Variants in ERC2 observed in about 807,000 individuals in gnomAD.
The protein encoded by ERC2 is ERC protein 2.
In ERC2, 42 loss-of-function variants were observed where a neutral mutation model predicts 114.8. That is an observed-to-expected ratio of 0.37 (90% confidence interval 0.29 to 0.47). The LOEUF is 0.47. ERC2 is among the 20% of genes least tolerant of loss of function. The pLI is 0.99. For missense variants in ERC2, 939 were observed against 1,150.7 expected (o/e 0.82, Z 2.66); for synonymous variants, 454 against 425.5 (o/e 1.07, Z -0.82).
At chr3:56,001,796 T>C (rs2072085941) in intron 10 of ERC2, among the ~76,000 whole-genome samples, 1 of 152,140 alleles carries the variant, frequency 6.6e-6, no homozygotes, top group African/African-American at 2.4e-5. Flanking sequence ...AAACATGACA[T>C]TCTTTGGTTT....
chr3:55,879,469 C>G (rs1309005697), intron 14 of ERC2, among the ~76,000 whole-genome samples: 1 of 152,162 alleles, frequency 6.6e-6, no homozygotes, highest in East Asian at 1.9e-4. Flanking sequence ...TTGGACTTCT[C>G]TGGACCTAAT....
At chr3:55,831,860 G>C (rs1209233997) in intron 14 of ERC2, among the ~76,000 whole-genome samples, 1 of 152,240 alleles carries the variant, frequency 6.6e-6, no homozygotes, top group African/African-American at 2.4e-5. Flanking sequence ...GTCAAAGAAA[G>C]GGGTGACAGA....
chr3:55,570,135 C>A (rs995354161), intron 17 of ERC2, among the ~76,000 whole-genome samples: 1 of 152,084 alleles, frequency 6.6e-6, no homozygotes, highest in Non-Finnish European at 1.5e-5. Flanking sequence ...GTTGGGATTA[C>A]AGGTTTGAGT....
intron 1 of ERC2, among the ~76,000 whole-genome samples, chr3:56,458,970 G>T (rs922445426): frequency 1.3e-5 from 2 of 152,142 alleles, no homozygotes; most frequent in Non-Finnish European, 2.9e-5. Flanking sequence ...CTCAAGCCAG[G>T]CACAAGAAAG....
chr3:55,662,478 C>T (rs1002494155), intron 17 of ERC2, among the ~76,000 whole-genome samples: 12 of 152,148 alleles, frequency 7.9e-5, no homozygotes, highest in African/African-American at 2.9e-4. Flanking sequence ...ACAGAAGAAG[C>T]TGAATAATAT....
At chr3:56,411,421 C>T (rs1376085339) in intron 2 of ERC2, among the ~76,000 whole-genome samples, 4 of 151,748 alleles carry the variant, frequency 2.6e-5, no homozygotes, top group Admixed American at 6.6e-5. Flanking sequence ...TGTTTCAGCA[C>T]GCCGGAAAGT....
At chr3:56,011,326 C>T (rs2072917559) in intron 8 of ERC2, among the ~76,000 whole-genome samples, 1 of 152,118 alleles carries the variant, frequency 6.6e-6, no homozygotes. Flanking sequence ...CAGCCCTCAT[C>T]ACAAGCGCAA....
At chr3:55,609,379 T>A (rs2058786781) in intron 17 of ERC2, among the ~76,000 whole-genome samples, 1 of 152,106 alleles carries the variant, frequency 6.6e-6, no homozygotes, top group South Asian at 2.1e-4. Flanking sequence ...CATGATCCCA[T>A]CAAAGCCAAT....
intron 17 of ERC2, among the ~76,000 whole-genome samples, chr3:55,553,382 T>G (rs573302464): frequency 1.1e-4 from 16 of 152,158 alleles, no homozygotes; most frequent in Admixed American, 9.8e-4. Flanking sequence ...ACTGGCACTA[T>G]GCTGAACACC....
At chr3:55,744,547 T>C (rs1449817987) in intron 14 of ERC2, among the ~76,000 whole-genome samples, 3 of 152,236 alleles carry the variant, frequency 2.0e-5, no homozygotes, top group Non-Finnish European at 4.4e-5. Context: ...CTTTGTAACT[T>C]CACTTCAGGC....
intron 2 of ERC2, among the ~76,000 whole-genome samples, chr3:56,406,948 C>G (rs1183705185): frequency 2.0e-5 from 3 of 152,150 alleles, no homozygotes; most frequent in Non-Finnish European, 4.4e-5. Context: ...CAATGAGAAT[C>G]AGGCTTTTCT....
At chr3:56,078,558 G>A (rs981373287) in intron 7 of ERC2, among the ~76,000 whole-genome samples, 4 of 152,060 alleles carry the variant, frequency 2.6e-5, no homozygotes, top group African/African-American at 9.7e-5. Flanking sequence ...CCTCTGCACC[G>A]AAACAAATGA....
intron 1 of ERC2, among the ~76,000 whole-genome samples, chr3:56,449,351 G>T (rs1577021750): frequency 6.6e-6 from 1 of 152,204 alleles, no homozygotes; most frequent in Admixed American, 6.5e-5. Context: ...GTGGGCACCT[G>T]CATTGGTCCC....
At chr3:55,535,974 G>A (rs2053975770) in intron 17 of ERC2, among the ~76,000 whole-genome samples, 1 of 152,130 alleles carries the variant, frequency 6.6e-6, no homozygotes, top group African/African-American at 2.4e-5. Context: ...ACTCCAGCCT[G>A]GGCAACGAGA....
intron 17 of ERC2, among the ~76,000 whole-genome samples, chr3:55,537,801 C>A (rs2054097064): frequency 6.6e-6 from 1 of 152,230 alleles, no homozygotes; most frequent in Admixed American, 6.5e-5. Flanking sequence ...ATTTCAACAT[C>A]TTTCCCTTTT....
At position 56,364,652 on chromosome 3, in the gene ERC2, C is replaced by A. The variant is rs199766411; in HGVS notation, c.658-68217G>T. On this transcript the variant is annotated intron_variant, in intron 2 of 17. Coordinates refer to ENST00000288221, the MANE Select transcript of ERC2 (RefSeq NM_015576.3). ...GTTTTCTGAGCTTTCCTACATTTCC[C>A]AAATTTTTATTAGAACTTTGCTTTG... Among the ~76,000 whole-genome samples, 17 of 152,274 alleles carry A rather than the reference C, an allele frequency of 1.1e-4. No homozygotes were observed. The East Asian group carries it at 3.1e-3, about 28-fold the overall frequency.
intron 15 of ERC2, among the ~76,000 whole-genome samples, chr3:55,710,119 T>C (rs984980469): frequency 1.3e-5 from 2 of 152,126 alleles, no homozygotes; most frequent in Admixed American, 6.5e-5. Flanking sequence ...ACAACACCTT[T>C]ACTAGCTTTA....
chr3:55,590,399 G>T (rs112040607), intron 17 of ERC2, among the ~76,000 whole-genome samples: 1 of 152,114 alleles, frequency 6.6e-6, no homozygotes, highest in African/African-American at 2.4e-5. Flanking sequence ...TGTCCTTCTG[G>T]GAATTGATTC....
intron 14 of ERC2, among the ~76,000 whole-genome samples, chr3:55,851,999 A>G (rs886734154): frequency 1.1e-4 from 17 of 152,226 alleles, no homozygotes; most frequent in Non-Finnish European, 2.4e-4. Context: ...AGGCGGGTGG[A>G]TCACTTGAGG....
Sources: allele counts gnomAD v4.1 joint callset (sites outside exome capture counted in the v4.1 genomes callset), GRCh38; gene constraint gnomAD v4.1.1; transcripts MANE v1.5; gene names NCBI Gene and HGNC (gene_info 2026-07-23, HGNC 2026-07-21).